HPSE2: variants seen among roughly 807,000 people sequenced by gnomAD.
The protein encoded by HPSE2 is heparanase 2 (inactive).
Under a neutral mutation model 60.5 loss-of-function variants are expected in HPSE2, and 38 were observed. The observed-to-expected ratio is 0.63, with a 90% CI of 0.48 to 0.82. The LOEUF (loss-of-function observed/expected upper bound fraction) is 0.82. Ranked by LOEUF, HPSE2 falls within the 40% of genes least tolerant of loss-of-function variation. HPSE2 has a pLI of 0.00. For missense variants in HPSE2, 713 were observed against 740.4 expected, an observed-to-expected ratio of 0.96 and a Z score of 0.43; for synonymous variants, 295 against 293.2, an observed-to-expected ratio of 1.01 and a Z score of -0.06.
chr10:98,994,835 C>A (rs576134750), intron 3 of HPSE2, among the ~76,000 whole-genome samples: 17 of 152,270 alleles, frequency 1.1e-4, no homozygotes, highest in South Asian at 4.1e-4. Context: ...CATAGGATAA[C>A]CTGGTTTCCC....
intron 3 of HPSE2, among the ~76,000 whole-genome samples, chr10:98,843,911 T>C (rs765313684): frequency 8.5e-5 from 13 of 152,222 alleles, no homozygotes; most frequent in Non-Finnish European, 1.6e-4. Flanking sequence ...AAAAAAACTT[T>C]TAAGAAACTG....
intron 3 of HPSE2, among the ~76,000 whole-genome samples, chr10:98,991,710 GT>G (rs2135343892): frequency 6.6e-6 from 1 of 152,202 alleles, no homozygotes; most frequent in African/African-American, 2.4e-5. Flanking sequence ...AGTGCTGTAG[GT>G]TTTGAAGAGA....
chr10:98,975,743 C>G (rs1481046185), intron 3 of HPSE2, among the ~76,000 whole-genome samples: 2 of 151,850 alleles, frequency 1.3e-5, no homozygotes, highest in Non-Finnish European at 2.9e-5. Flanking sequence ...AGATTATTCA[C>G]CAGAGAATAA....
chr10:98,605,493 T>C (rs1170943631), intron 9 of HPSE2, among the ~76,000 whole-genome samples: 1 of 152,138 alleles, frequency 6.6e-6, no homozygotes, highest in Non-Finnish European at 1.5e-5. Flanking sequence ...AAAAACGGAA[T>C]AGTATAATAA....
chr10:98,464,100 T>G (rs1344405358), intron 11 of HPSE2, among the ~76,000 whole-genome samples: 1 of 152,052 alleles, frequency 6.6e-6, no homozygotes, highest in Non-Finnish European at 1.5e-5. Flanking sequence ...TGGGCAACAG[T>G]GCGAGACTCT....
chr10:98,668,840 T>A (rs11189741), intron 6 of HPSE2, among the ~76,000 whole-genome samples: 75,614 of 152,094 alleles, frequency 0.5, 21,037 homozygotes, highest in South Asian at 0.74. Context: ...CATATGGTTT[T>A]GGTAAAGAAT....
chr10:98,652,844 A>G (rs1251654495), intron 6 of HPSE2, among the ~76,000 whole-genome samples: 1 of 152,218 alleles, frequency 6.6e-6, no homozygotes, highest in African/African-American at 2.4e-5. Flanking sequence ...TAATTATTCA[A>G]ACAAAATTTT....
chr10:98,515,596 T>G (rs1459569728), intron 9 of HPSE2, among the ~76,000 whole-genome samples: 1 of 152,230 alleles, frequency 6.6e-6, no homozygotes, highest in Non-Finnish European at 1.5e-5. Context: ...TCTGTGCAGT[T>G]AAACCTGAAG....
intron 5 of HPSE2, among the ~76,000 whole-genome samples, chr10:98,695,454 A>G (rs968025476): frequency 1.3e-5 from 2 of 152,322 alleles, no homozygotes; most frequent in Admixed American, 1.3e-4. Context: ...CAAAATGTCA[A>G]CGTGGGCTGG....
intron 3 of HPSE2, among the ~76,000 whole-genome samples, chr10:98,864,017 T>C (rs1475583426): frequency 6.6e-6 from 1 of 152,156 alleles, no homozygotes; most frequent in Non-Finnish European, 1.5e-5. Flanking sequence ...AGCTGATGAT[T>C]TGTGTGTAAA....
chr10:99,100,576 T>C (rs1221812900), intron 3 of HPSE2, among the ~76,000 whole-genome samples: 1 of 152,174 alleles, frequency 6.6e-6, no homozygotes, highest in Non-Finnish European at 1.5e-5. Context: ...CTGCAGGATA[T>C]TAGCCAGGAG....
At chr10:99,026,981 G>A (rs991910006) in intron 3 of HPSE2, among the ~76,000 whole-genome samples, 10 of 151,854 alleles carry the variant, frequency 6.6e-5, no homozygotes, top group African/African-American at 1.7e-4. Flanking sequence ...GAAGTACTAT[G>A]GGAATTTTAT....
intron 2 of HPSE2, among the ~76,000 whole-genome samples, chr10:99,171,641 C>G (rs1300042195): frequency 6.6e-6 from 1 of 152,126 alleles, no homozygotes; most frequent in African/African-American, 2.4e-5. Context: ...CATATTTGAC[C>G]ATTGAGCAGT....
chr10:98,681,231 G>T (rs186205630), intron 6 of HPSE2, among the ~76,000 whole-genome samples: 17 of 152,194 alleles, frequency 1.1e-4, no homozygotes, highest in African/African-American at 3.9e-4. Flanking sequence ...AATTTGAGCT[G>T]TTAAGTGAAA....
At chr10:99,180,076 G>A (rs1446556801) in intron 2 of HPSE2, among the ~76,000 whole-genome samples, 1 of 152,080 alleles carries the variant, frequency 6.6e-6, no homozygotes, top group Non-Finnish European at 1.5e-5. Context: ...AGCTGAAACT[G>A]GACCCCTTCC....
At chr10:98,613,044 A>T (rs1336733413) in intron 9 of HPSE2, among the ~76,000 whole-genome samples, 1 of 152,094 alleles carries the variant, frequency 6.6e-6, no homozygotes, top group African/African-American at 2.4e-5. Flanking sequence ...TTCTTTTGTG[A>T]AATCTGCATA....
intron 9 of HPSE2, among the ~76,000 whole-genome samples, chr10:98,555,143 T>C (rs1462306590): frequency 6.6e-6 from 1 of 152,206 alleles, no homozygotes; most frequent in Non-Finnish European, 1.5e-5. Flanking sequence ...TCCTTTCAGC[T>C]CTAAGGACTT....
intron 9 of HPSE2, among the ~76,000 whole-genome samples, chr10:98,567,094 T>G (rs1294966540): frequency 6.6e-6 from 1 of 152,174 alleles, no homozygotes; most frequent in Non-Finnish European, 1.5e-5. Flanking sequence ...TCCTAAGTCA[T>G]ATCCCAGAAA....
At chr10:98,773,982 A>C (rs183094165) in intron 3 of HPSE2, among the ~76,000 whole-genome samples, 11 of 152,178 alleles carry the variant, frequency 7.2e-5, no homozygotes, top group Middle Eastern at 6.8e-3. Flanking sequence ...CTTGAGCCCA[A>C]GGAGGTCAAG....
Sources: allele counts gnomAD v4.1 joint callset (sites outside exome capture counted in the v4.1 genomes callset), GRCh38; gene constraint gnomAD v4.1.1; transcripts MANE v1.5; gene names NCBI Gene and HGNC (gene_info 2026-07-23, HGNC 2026-07-21).